PITPNB: variants seen among roughly 807,000 people sequenced by gnomAD.
PITPNB encodes the protein phosphatidylinositol transfer protein beta isoform.
Under a neutral mutation model 45.9 loss-of-function variants are expected in PITPNB, and 16 were observed. That is an observed-to-expected ratio of 0.35 (90% CI 0.24 to 0.53). The LOEUF is 0.53. Ranked by LOEUF, PITPNB falls within the 20% of genes least tolerant of loss-of-function variation. The pLI is 0.93. For missense variants in PITPNB, 188 were observed against 330.5 expected, an observed-to-expected ratio of 0.57 and a Z score of 3.34; for synonymous variants, 112 against 108.9, an observed-to-expected ratio of 1.03 and a Z score of -0.18.
chr22:27,878,960 T>C (rs1172027076), intron 7 of PITPNB, among the ~76,000 whole-genome samples: 1 of 152,114 alleles, frequency 6.6e-6, no homozygotes, highest in East Asian at 1.9e-4. Context: ...CAATGAATCC[T>C]AAAAGCTGAA....
At chr22:27,881,493 T>A (rs1330799909) in intron 7 of PITPNB, among the ~76,000 whole-genome samples, 1 of 152,176 alleles carries the variant, frequency 6.6e-6, no homozygotes, top group Non-Finnish European at 1.5e-5. Flanking sequence ...CAAAAAGACA[T>A]GGTACTCTAC....
At chr22:27,871,838 G>A (rs1934669383) in intron 8 of PITPNB, among the ~76,000 whole-genome samples, 1 of 152,050 alleles carries the variant, frequency 6.6e-6, no homozygotes, top group Non-Finnish European at 1.5e-5. Context: ...CATCATGACT[G>A]CAGATCCTTC....
intron 1 of PITPNB, among the ~76,000 whole-genome samples, chr22:27,917,586 C>T (rs761213949): frequency 2.0e-5 from 3 of 152,194 alleles, no homozygotes; most frequent in Non-Finnish European, 2.9e-5. Flanking sequence ...AGAATTTTCA[C>T]TCTACCAAAA....
At chr22:27,882,812 T>G (rs1935011604) in intron 7 of PITPNB, among the ~76,000 whole-genome samples, 1 of 152,218 alleles carries the variant, frequency 6.6e-6, no homozygotes, top group African/African-American at 2.4e-5. Flanking sequence ...TTGGAACTTG[T>G]AAGTCACTTA....
In PITPNB at chr22:27,919,220, C is replaced by T. The variant is rs762533045; in HGVS notation, c.-29G>A. 6.3e-7 allele frequency: 1 copy of T among 1,593,790 alleles called. No homozygotes were observed. Among genetic ancestry groups the T allele is most frequent in the South Asian group, 1.1e-5 (1 of 90,690 alleles). On this transcript the variant is annotated 5_prime_UTR_variant, in exon 1 of 12. Transcript: ENST00000335272. ...CCCGGAACCCCCTCACAGCTGCCGCCGATACCACCGCCGCCGCCGCCGCTA... is the reference window on the plus strand; with the variant it reads ...CCCGGAACCCCCTCACAGCTGCCGCTGATACCACCGCCGCCGCCGCCGCTA...
At chr22:27,894,936 C>T (rs1935392954) in intron 6 of PITPNB, among the ~76,000 whole-genome samples, 1 of 152,142 alleles carries the variant, frequency 6.6e-6, no homozygotes, top group African/African-American at 2.4e-5. Context: ...ATATACGAGA[C>T]CTATGCTTAA....
chr22:27,913,232 T>C (rs1237313811), intron 2 of PITPNB, among the ~76,000 whole-genome samples: 1 of 152,158 alleles, frequency 6.6e-6, no homozygotes, highest in Non-Finnish European at 1.5e-5. Flanking sequence ...TCCTGAGATA[T>C]AAACAACTGT....
At chr22:27,901,141 T>A (rs1480896537) in intron 3 of PITPNB, among the ~76,000 whole-genome samples, 1 of 152,126 alleles carries the variant, frequency 6.6e-6, no homozygotes, top group Non-Finnish European at 1.5e-5. Context: ...TGCTTAAGAG[T>A]GAAGAGTTAA....
chr22:27,866,124 G>A (rs943217217), intron 8 of PITPNB, among the ~76,000 whole-genome samples: 2 of 152,168 alleles, frequency 1.3e-5, no homozygotes, highest in African/African-American at 4.8e-5. Flanking sequence ...TGATTACAAA[G>A]AGAACAATCA....
At chr22:27,906,359 C>T (rs968622139) in intron 3 of PITPNB, among the ~76,000 whole-genome samples, 4 of 152,104 alleles carry the variant, frequency 2.6e-5, no homozygotes, top group Admixed American at 2.0e-4. Context: ...AGACTTTAGA[C>T]GTTAAAGACT....
At chr22:27,880,216 C>G (rs909008990) in intron 7 of PITPNB, among the ~76,000 whole-genome samples, 4 of 152,162 alleles carry the variant, frequency 2.6e-5, no homozygotes, top group Non-Finnish European at 5.9e-5. Context: ...CAAAGCCAAC[C>G]ATGATCCTTT....
At chr22:27,900,860 G>A (rs143739368) in intron 3 of PITPNB, among the ~76,000 whole-genome samples, 4 of 152,240 alleles carry the variant, frequency 2.6e-5, no homozygotes, top group Admixed American at 6.5e-5. Flanking sequence ...CTTAGCCTCC[G>A]AAAAGAACAA....
Position 27,853,341 on chromosome 22 carries a change from T to C in PITPNB, c.*361A>G, listed in dbSNP as rs2146340826. 2.5e-6 allele frequency: 1 copy of C among 397,614 alleles called. No individual in the cohort carries two copies. Among genetic ancestry groups the C allele is most frequent in the Non-Finnish European group, 4.5e-6 (1 of 223,772 alleles). The allele number at this position is 397,614 out of a possible 1,614,324, so 24.6% of individuals were successfully genotyped here. The stretch of plus-strand genomic sequence containing the variant: ...ATTATTAAAATCTGTTCCAGGTATA[T>C]ATATTGAAAATATTTTCTTTTGCAT... On this transcript the variant is annotated 3_prime_UTR_variant, in exon 12 of 12. Transcript: ENST00000335272.
intron 8 of PITPNB, among the ~76,000 whole-genome samples, chr22:27,870,756 TG>T (rs1934634992): frequency 6.6e-6 from 1 of 152,224 alleles, no homozygotes; most frequent in Non-Finnish European, 1.5e-5. Flanking sequence ...CAGAAGACAC[TG>T]GTAAGATCAA....
chr22:27,890,384 G>C (rs1279830757), intron 7 of PITPNB, among the ~76,000 whole-genome samples: 1 of 151,556 alleles, frequency 6.6e-6, no homozygotes, highest in African/African-American at 2.4e-5. Context: ...CAAAAGGTCT[G>C]ATAATCCTTA....
intron 3 of PITPNB, chr22:27,910,508 A>G (rs894042833): frequency 6.5e-6 from 1 of 155,018 alleles, no homozygotes; most frequent in African/African-American, 2.4e-5. Flanking sequence ...AATTTTACTT[A>G]GCTTTAAAAA....
At chr22:27,909,950 C>CTT (rs544649700) in intron 3 of PITPNB, among the ~76,000 whole-genome samples, 32 of 130,318 alleles carry the variant, frequency 2.5e-4, no homozygotes, top group East Asian at 4.5e-4. Context: ...CCACTAATTT[C>CTT]TTTTTTTTTT....
intron 3 of PITPNB, among the ~76,000 whole-genome samples, chr22:27,899,373 G>C (rs1237380620): frequency 6.6e-6 from 1 of 152,160 alleles, no homozygotes; most frequent in Non-Finnish European, 1.5e-5. Flanking sequence ...TGCCCAGGCT[G>C]AAGTGCAGTG....
chr22:27,872,517 AAAT>A, intron 8 of PITPNB, among the ~76,000 whole-genome samples: 1 of 152,228 alleles, frequency 6.6e-6, no homozygotes, highest in East Asian at 1.9e-4. Context: ...ACAAATGTGA[AAAT>A]AATATAGTTA....
Sources: allele counts gnomAD v4.1 joint callset (sites outside exome capture counted in the v4.1 genomes callset), GRCh38; gene constraint gnomAD v4.1.1; transcripts MANE v1.5; gene names NCBI Gene and HGNC (gene_info 2026-07-23, HGNC 2026-07-21).